Variants in MAD1L1 observed in about 807,000 individuals in gnomAD.
MAD1L1 encodes mitotic spindle assembly checkpoint protein MAD1.
Under a neutral mutation model 96.9 loss-of-function variants are expected in MAD1L1, and 95 were observed. The observed-to-expected ratio is 0.98, with a 90% CI of 0.83 to 1.16. The LOEUF (loss-of-function observed/expected upper bound fraction) is 1.16. MAD1L1 is among the 50% of genes most tolerant of loss of function. The probability of loss-of-function intolerance (pLI) is 0.00; values close to 1 mark genes in which losing one functional copy is unlikely to be tolerated. For missense variants in MAD1L1, 1,007 were observed against 954.4 expected, an observed-to-expected ratio of 1.06 and a Z score of -0.73; for synonymous variants, 473 against 396.6, an observed-to-expected ratio of 1.19 and a Z score of -2.29.
At chr7:1,845,383 C>A (rs1046633457) in intron 18 of MAD1L1, 1 of 152,328 alleles carries the variant, frequency 6.6e-6, no homozygotes, top group Non-Finnish European at 1.5e-5. Context: ...GGGACTCAAA[C>A]CACAAACAGC....
At chr7:1,958,597 T>C (rs897949930) in intron 15 of MAD1L1, among the ~76,000 whole-genome samples, 2 of 152,114 alleles carry the variant, frequency 1.3e-5, no homozygotes, top group African/African-American at 4.8e-5. Context: ...ATCAAGAAGA[T>C]TGATACAAAT....
At chr7:1,920,979 T>C (rs1583792682) in intron 17 of MAD1L1, among the ~76,000 whole-genome samples, 2 of 152,294 alleles carry the variant, frequency 1.3e-5, no homozygotes, top group East Asian at 3.9e-4. Flanking sequence ...CTCTGAGCCC[T>C]GGAGACGACG....
intron 18 of MAD1L1, among the ~76,000 whole-genome samples, chr7:1,876,643 A>G (rs1450328862): frequency 6.6e-6 from 1 of 151,676 alleles, no homozygotes; most frequent in African/African-American, 2.4e-5. Context: ...AAAACTTTCC[A>G]TGGCAAAAAG....
intron 13 of MAD1L1, among the ~76,000 whole-genome samples, chr7:2,007,834 G>A (rs189537675): frequency 2.7e-3 from 416 of 152,374 alleles, no homozygotes; most frequent in Admixed American, 4.8e-3. Context: ...GTATTGGTCA[G>A]TGGGTGAACA....
intron 12 of MAD1L1, among the ~76,000 whole-genome samples, chr7:2,063,336 C>T (rs1364860373): frequency 6.6e-6 from 1 of 152,234 alleles, no homozygotes; most frequent in Non-Finnish European, 1.5e-5. Context: ...CCAGGCTGTG[C>T]CGGATCCCAG....
chr7:1,852,509 G>C (rs1301678341), intron 18 of MAD1L1, among the ~76,000 whole-genome samples: 1 of 152,188 alleles, frequency 6.6e-6, no homozygotes, highest in Non-Finnish European at 1.5e-5. Context: ...GAGAGGCTGG[G>C]GCAGCCAGGC....
chr7:2,113,304 G>A (rs751152847), intron 11 of MAD1L1, among the ~76,000 whole-genome samples: 15 of 152,238 alleles, frequency 9.9e-5, no homozygotes, highest in Admixed American at 6.5e-5. Context: ...TGGGGGCTGG[G>A]CACGGTGGCT....
intron 17 of MAD1L1, among the ~76,000 whole-genome samples, chr7:1,925,862 C>T (rs947509775): frequency 6.6e-6 from 1 of 152,154 alleles, no homozygotes; most frequent in African/African-American, 2.4e-5. Flanking sequence ...TCTAATCTTC[C>T]ACCTGAAGAG....
At chr7:2,231,179 T>C (rs1483817427) in intron 1 of MAD1L1, among the ~76,000 whole-genome samples, 1 of 152,086 alleles carries the variant, frequency 6.6e-6, no homozygotes, top group Non-Finnish European at 1.5e-5. Context: ...GCGCCTGTAA[T>C]CCCAGCTACT....
At chr7:2,220,473 CCTGAGAAGCATCA>C (rs1793540501) in intron 5 of MAD1L1, among the ~76,000 whole-genome samples, 2 of 152,196 alleles carry the variant, frequency 1.3e-5, no homozygotes, top group Admixed American at 1.3e-4. Context: ...CCGGACAGAC[CCTGAGAAGCATCA>C]CTGTAAGTTA....
intron 17 of MAD1L1, among the ~76,000 whole-genome samples, chr7:1,924,339 C>T (rs918249985): frequency 1.1e-4 from 17 of 152,220 alleles, no homozygotes; most frequent in African/African-American, 1.9e-4. Context: ...AATTCCTTCC[C>T]GTCCTTTAAC....
At chr7:1,853,257 T>A (rs1345329959) in intron 18 of MAD1L1, among the ~76,000 whole-genome samples, 1 of 152,198 alleles carries the variant, frequency 6.6e-6, no homozygotes, top group Non-Finnish European at 1.5e-5. Flanking sequence ...CTCACGGGAC[T>A]GCCCTCTGTG....
intron 14 of MAD1L1, among the ~76,000 whole-genome samples, chr7:1,988,453 T>G (rs1185484408): frequency 1.3e-5 from 2 of 152,056 alleles, no homozygotes; most frequent in Non-Finnish European, 2.9e-5. Flanking sequence ...ACCAATGCAG[T>G]GACAGGGCAG....
intron 12 of MAD1L1, among the ~76,000 whole-genome samples, chr7:2,034,449 C>T (rs10215961): frequency 0.043 from 6,616 of 152,216 alleles, 226 homozygotes; most frequent in African/African-American, 0.089. Context: ...CTCCTGAGCT[C>T]AGGCAATCCA....
chr7:1,832,519 T>C (rs1333268696), intron 18 of MAD1L1, among the ~76,000 whole-genome samples: 2 of 141,860 alleles, frequency 1.4e-5, no homozygotes, highest in Non-Finnish European at 3.0e-5. Context: ...TAGAAAGAAG[T>C]TCTACTGTAG....
At chr7:1,824,253 G>A (rs948887314) in intron 18 of MAD1L1, among the ~76,000 whole-genome samples, 3 of 152,232 alleles carry the variant, frequency 2.0e-5, no homozygotes, top group Non-Finnish European at 2.9e-5. Flanking sequence ...CCTGGTGGCA[G>A]AGCTGCCGAC....
At chr7:2,165,343 GT>G (rs1294218403) in intron 10 of MAD1L1, among the ~76,000 whole-genome samples, 2 of 152,230 alleles carry the variant, frequency 1.3e-5, no homozygotes, top group African/African-American at 2.4e-5. Flanking sequence ...ATAGAAGTGT[GT>G]TATCTGGACG....
At chr7:2,056,835 G>T (rs552923792) in intron 12 of MAD1L1, among the ~76,000 whole-genome samples, 1 of 152,336 alleles carries the variant, frequency 6.6e-6, no homozygotes, top group South Asian at 2.1e-4. Context: ...CAAAGCCCCT[G>T]GTCTTCCCAC....
intron 3 of MAD1L1, among the ~76,000 whole-genome samples, chr7:2,227,941 C>T (rs896587707): frequency 2.0e-5 from 3 of 152,160 alleles, no homozygotes; most frequent in Non-Finnish European, 4.4e-5. Context: ...TAAATCAACA[C>T]GATGTGTGAG....
Sources: allele counts gnomAD v4.1 joint callset (sites outside exome capture counted in the v4.1 genomes callset), GRCh38; gene constraint gnomAD v4.1.1; transcripts MANE v1.5; gene names NCBI Gene and HGNC (gene_info 2026-07-23, HGNC 2026-07-21).